MYRIP: variants seen among roughly 807,000 people sequenced by gnomAD.
The protein encoded by MYRIP is rab effector MyRIP.
A neutral mutation model predicts 98.0 loss-of-function variants in MYRIP; 49 were observed. The ratio of observed to expected loss-of-function variants is 0.50; its 90% CI spans 0.40 to 0.63. The LOEUF (loss-of-function observed/expected upper bound fraction) is 0.63. Among genes scored for constraint, MYRIP ranks in the 30% least tolerant of loss-of-function variants. The probability of loss-of-function intolerance (pLI) is 0.00; values close to 1 mark genes in which losing one functional copy is unlikely to be tolerated. For synonymous variants in MYRIP, 404 were observed against 409.5 expected (o/e 0.99, Z 0.16); for missense variants, 1,004 against 1,058.2 (o/e 0.95, Z 0.71).
chr3:40,259,375 AAAAG>A lies in MYRIP; in HGVS notation c.*1214_*1217del, dbSNP rs1953700522. The A allele has an allele frequency of 1.3e-5, 2 of 152,228 alleles. No individual in the cohort carries two copies. The highest frequency in any genetic ancestry group is 1.3e-4 in the Admixed American group (2 of 15,278). 9.4% of individuals were successfully genotyped at this position (152,228 alleles called of 1,614,324 possible). A position where few individuals can be genotyped will look rare whatever the true frequency, so the allele number is the denominator to read the frequency against. On this transcript the variant is annotated 3_prime_UTR_variant, in exon 17 of 17. Transcript: ENST00000302541. ...ATAGTCTGAATCTTAGGAAGAAGGT[AAAAG>A]AAAGGAGGCAAGAGAATAGTTATGA...
At chr3:40,002,951 T>C (rs547352267) in intron 2 of MYRIP, among the ~76,000 whole-genome samples, 1 of 151,988 alleles carries the variant, frequency 6.6e-6, no homozygotes, top group East Asian at 1.9e-4. Context: ...TAGCTATATG[T>C]GTGTATCTAA....
intron 3 of MYRIP, among the ~76,000 whole-genome samples, chr3:40,143,965 T>C (rs558301673): frequency 1.3e-5 from 2 of 152,036 alleles, no homozygotes; most frequent in Non-Finnish European, 2.9e-5. Context: ...TTTAAGTTCA[T>C]TAAAATATTT....
intron 11 of MYRIP, among the ~76,000 whole-genome samples, chr3:40,213,923 C>A (rs1952038055): frequency 6.6e-6 from 1 of 152,172 alleles, no homozygotes; most frequent in African/African-American, 2.4e-5. Flanking sequence ...GACTCTGAGG[C>A]TTGAGCCATG....
intron 1 of MYRIP, among the ~76,000 whole-genome samples, chr3:39,873,889 G>A (rs1329510338): frequency 2.2e-4 from 33 of 152,228 alleles, no homozygotes; most frequent in East Asian, 1.2e-3. Context: ...GGCATTGGTA[G>A]CTTGATGGGA....
intron 3 of MYRIP, among the ~76,000 whole-genome samples, chr3:40,058,610 C>T (rs940630487): frequency 3.9e-5 from 6 of 152,070 alleles, no homozygotes; most frequent in Non-Finnish European, 7.4e-5. Context: ...CTTATGGCTC[C>T]TTCACTCAGA....
At chr3:40,012,824 C>T (rs961948863) in intron 2 of MYRIP, among the ~76,000 whole-genome samples, 2 of 152,308 alleles carry the variant, frequency 1.3e-5, no homozygotes, top group South Asian at 2.1e-4. Context: ...CCACTGACTT[C>T]CCTGGGGTTC....
chr3:40,068,901 A>T (rs1261695024), intron 3 of MYRIP, among the ~76,000 whole-genome samples: 1 of 152,188 alleles, frequency 6.6e-6, no homozygotes, highest in East Asian at 1.9e-4. Flanking sequence ...CTGTGAATTC[A>T]TCATGCTTTT....
rs369815102 is a variant in MYRIP at position 39,889,524 on chromosome 3, C to T, written c.-30-11263C>T. Among the ~76,000 whole-genome samples the T allele has an allele frequency of 9.3e-3, 1,406 of 151,606 alleles. 25 individuals are homozygous for T. Among genetic ancestry groups the T allele is most frequent in the African/African-American group, 0.032 (1,321 of 41,300 alleles). ...AAGGGGAACATCACACTCTGGGGAC[C>T]GTTGTGGGGTGGGGGTAGGGAGGAG... On this transcript the variant is annotated intron_variant, in intron 1 of 16. Transcript: ENST00000302541.
intron 3 of MYRIP, among the ~76,000 whole-genome samples, chr3:40,125,313 G>A (rs1202159019): frequency 6.6e-6 from 1 of 152,234 alleles, no homozygotes; most frequent in Non-Finnish European, 1.5e-5. Context: ...GGAGCAAGAA[G>A]AGCCAGTCCA....
intron 2 of MYRIP, among the ~76,000 whole-genome samples, chr3:39,987,350 T>G (rs1418168920): frequency 6.6e-6 from 1 of 152,232 alleles, no homozygotes; most frequent in Non-Finnish European, 1.5e-5. Flanking sequence ...TTCCTTTTTA[T>G]GGCTTCATAG....
chr3:39,945,608 T>C (rs772469529), intron 2 of MYRIP, among the ~76,000 whole-genome samples: 18 of 152,024 alleles, frequency 1.2e-4, no homozygotes, highest in Non-Finnish European at 2.2e-4. Flanking sequence ...GTTGGGAAAG[T>C]GCCTTCCAGT....
chr3:40,157,662 A>G (rs75689721), intron 4 of MYRIP, among the ~76,000 whole-genome samples: 94,485 of 146,810 alleles, frequency 0.64, 32,718 homozygotes, highest in Non-Finnish European at 0.77. Flanking sequence ...GATTATTGCC[A>G]CAATTTCAGA....
chr3:40,102,503 TG>T (rs1029569478), intron 3 of MYRIP, among the ~76,000 whole-genome samples: 1 of 152,206 alleles, frequency 6.6e-6, no homozygotes, highest in Admixed American at 6.5e-5. Flanking sequence ...GTATCTTGTT[TG>T]TATTTTAATG....
chr3:39,995,789 A>T (rs2125777687), intron 2 of MYRIP, among the ~76,000 whole-genome samples: 1 of 152,332 alleles, frequency 6.6e-6, no homozygotes, highest in South Asian at 2.1e-4. Flanking sequence ...CCAGAGAGAA[A>T]GGTCGGGTTA....
At chr3:40,219,537 A>G (rs1186009643) in intron 11 of MYRIP, among the ~76,000 whole-genome samples, 1 of 149,708 alleles carries the variant, frequency 6.7e-6, no homozygotes, top group Non-Finnish European at 1.5e-5. Context: ...TCCTGTGTCC[A>G]TGTGTTCTCA....
intron 2 of MYRIP, among the ~76,000 whole-genome samples, chr3:39,958,108 G>C (rs1945217129): frequency 6.6e-6 from 1 of 152,100 alleles, no homozygotes; most frequent in Non-Finnish European, 1.5e-5. Flanking sequence ...TACTGCCCAA[G>C]GTAATTTATA....
At chr3:40,227,525 T>G (rs1352889813) in intron 11 of MYRIP, among the ~76,000 whole-genome samples, 4 of 152,172 alleles carry the variant, frequency 2.6e-5, no homozygotes, top group African/African-American at 9.7e-5. Flanking sequence ...GAAATTGTAG[T>G]GGCAGGCAAT....
intron 1 of MYRIP, among the ~76,000 whole-genome samples, chr3:39,850,582 A>C (rs1575303905): frequency 6.6e-6 from 1 of 152,212 alleles, no homozygotes; most frequent in East Asian, 1.9e-4. Context: ...AAAATCTACT[A>C]TTAGTTGTCT....
intron 2 of MYRIP, among the ~76,000 whole-genome samples, chr3:40,032,117 T>C (rs1947275238): frequency 6.6e-6 from 1 of 152,156 alleles, no homozygotes; most frequent in African/African-American, 2.4e-5. Context: ...CTTTCTCTTG[T>C]GGGCATTTAG....
Sources: allele counts gnomAD v4.1 joint callset (sites outside exome capture counted in the v4.1 genomes callset), GRCh38; gene constraint gnomAD v4.1.1; transcripts MANE v1.5; gene names NCBI Gene and HGNC (gene_info 2026-07-23, HGNC 2026-07-21).